CR1L: variants seen among roughly 807,000 people sequenced by gnomAD.
CR1L encodes complement C3b/C4b receptor 1 like.
A neutral mutation model predicts 62.3 loss-of-function variants in CR1L; 59 were observed. The ratio of observed to expected loss-of-function variants is 0.95; its 90% CI spans 0.77 to 1.18. CR1L has a LOEUF of 1.18. Ranked by LOEUF, CR1L falls within the 50% of genes most tolerant of loss-of-function variation. The probability of loss-of-function intolerance (pLI) is 0.00; values close to 1 mark genes in which losing one functional copy is unlikely to be tolerated. For synonymous variants in CR1L, 279 were observed against 248.7 expected, an observed-to-expected ratio of 1.12 and a Z score of -1.15; for missense variants, 700 against 702.8, an observed-to-expected ratio of 1.00 and a Z score of 0.04.
intron 4 of CR1L, among the ~76,000 whole-genome samples, chr1:207,692,345 T>A (rs544144201): frequency 1.8e-4 from 28 of 152,338 alleles, no homozygotes; most frequent in African/African-American, 6.3e-4. Flanking sequence ...TTAGAATATG[T>A]TTAGCTTTCT....
At position 207,664,512 on chromosome 1, in the gene CR1L, G is replaced by A. The variant is rs192439555; in HGVS notation, c.98-12877G>A. Among the ~76,000 whole-genome samples the A allele has an allele frequency of 2.0e-5, 3 of 152,188 alleles. No individual in the cohort carries two copies. The East Asian group carries it at 5.8e-4, about 29-fold the overall frequency. On this transcript the variant is annotated intron_variant, in intron 1 of 11. Transcript: ENST00000508064. ...GGCAGGAAGAGATGGTTTTTTTAGT[G>A]GACTGATATATGAGCAAAACAAGAT...
Position 207,694,534 on chromosome 1 carries a change from C to T in CR1L, c.645C>T (p.Gly215=), listed in dbSNP as rs758723371. The T allele has an allele frequency of 1.6e-5, 26 of 1,612,960 alleles. No homozygotes were observed. The highest frequency in any genetic ancestry group is 1.8e-5 in the Non-Finnish European group (21 of 1,179,838). The stretch of plus-strand genomic sequence containing the variant: ...GCACCAGCAAAGATGATCAAGTGGG[C>T]ATCTGGAGTGGCCCAGCCCCTCAGT... ...IYCTSKDDQV[G]IWSGPAPQCI... is the part of the protein sequence containing the mutation. The change falls in exon 5 of 12, where the codon GGC becomes GGT. Residue 215 remains glycine, a synonymous_variant. Transcript: ENST00000508064.
intron 1 of CR1L, among the ~76,000 whole-genome samples, chr1:207,667,090 A>G (rs1216625587): frequency 1.3e-5 from 2 of 152,178 alleles, no homozygotes; most frequent in East Asian, 1.9e-4. Flanking sequence ...CCTGGCCTTC[A>G]CTAAACCCCA....
At chr1:207,689,830 G>C (rs1366534063) in intron 4 of CR1L, among the ~76,000 whole-genome samples, 1 of 151,878 alleles carries the variant, frequency 6.6e-6, no homozygotes, top group Non-Finnish European at 1.5e-5. Flanking sequence ...TATTGAATTA[G>C]TTTGGGTAAG....
intron 3 of CR1L, among the ~76,000 whole-genome samples, chr1:207,681,873 T>C (rs1211900768): frequency 6.6e-6 from 1 of 152,100 alleles, no homozygotes; most frequent in East Asian, 1.9e-4. Flanking sequence ...GGCAGTGCAA[T>C]TGAGAATGCT....
chr1:207,694,687 G>T lies in CR1L; in HGVS notation c.798G>T (p.Gly266=), dbSNP rs760181766. ...GTCAGCCTGGCTTTGGCATGAAAGGGCCCTCCCATGTGAAGTGCCAGGCCC... is the reference window on the plus strand; with the variant it reads ...GTCAGCCTGGCTTTGGCATGAAAGGTCCCTCCCATGTGAAGTGCCAGGCCC... ...FRCQPGFGMK[G]PSHVKCQALN... is the part of the protein sequence containing the mutation. Residue 266 remains glycine, a synonymous_variant, in exon 5 of 12, where the codon GGG becomes GGT. Transcript: ENST00000508064. The T allele has an allele frequency of 6.2e-7, 1 of 1,611,886 alleles. No homozygotes were observed. Among genetic ancestry groups the T allele is most frequent in the Non-Finnish European group, 8.5e-7 (1 of 1,179,720 alleles).
intron 1 of CR1L, among the ~76,000 whole-genome samples, chr1:207,655,490 T>TAA (rs771334546): frequency 1.3e-5 from 2 of 152,224 alleles, no homozygotes; most frequent in Non-Finnish European, 2.9e-5. Flanking sequence ...TTGTTTTTCC[T>TAA]AAGAGAGGGT....
chr1:207,674,853 G>A (rs1663664937), intron 1 of CR1L, among the ~76,000 whole-genome samples: 1 of 146,170 alleles, frequency 6.8e-6, no homozygotes, highest in South Asian at 2.1e-4. Context: ...TCACGGAACT[G>A]TTTTATTCGT....
At chr1:207,714,773 T>A (rs1653951235) in intron 10 of CR1L, among the ~76,000 whole-genome samples, 1 of 152,182 alleles carries the variant, frequency 6.6e-6, no homozygotes, top group South Asian at 2.1e-4. Flanking sequence ...CAAAGACTCC[T>A]CCCCTGACCC....
At chr1:207,709,748 A>T (rs1664323421) in intron 10 of CR1L, among the ~76,000 whole-genome samples, 1 of 150,612 alleles carries the variant, frequency 6.6e-6, no homozygotes, top group South Asian at 2.1e-4. Flanking sequence ...GCAGCAGGAG[A>T]ATCATTTGAG....
chr1:207,668,598 A>T (rs1415879033), intron 1 of CR1L, among the ~76,000 whole-genome samples: 1 of 151,026 alleles, frequency 6.6e-6, no homozygotes, highest in Non-Finnish European at 1.5e-5. Context: ...ATCCTTGAAT[A>T]CTTAACCCTC....
chr1:207,723,415 CTT>C (rs1654181319), intron 11 of CR1L, among the ~76,000 whole-genome samples: 1 of 132,828 alleles, frequency 7.5e-6, no homozygotes, highest in African/African-American at 3.0e-5. Context: ...CAGAGTGAGA[CTT>C]TGTCAAAAAA....
chr1:207,701,687 C>G (rs752439551), intron 9 of CR1L, 69 bp downstream of exon 9: 2 of 1,603,910 alleles, frequency 1.2e-6, no homozygotes, highest in Non-Finnish European at 1.7e-6. Context: ...AGCCACATCT[C>G]AGGAAGGAAA....
chr1:207,719,592 A>T (rs890675630), intron 11 of CR1L, among the ~76,000 whole-genome samples: 2 of 152,084 alleles, frequency 1.3e-5, no homozygotes, highest in Admixed American at 6.6e-5. Context: ...GTGGTAGTGC[A>T]TGCCTGTAGT....
At chr1:207,700,795 G>A (rs980117996) in intron 8 of CR1L, among the ~76,000 whole-genome samples, 3 of 152,208 alleles carry the variant, frequency 2.0e-5, no homozygotes, top group African/African-American at 7.2e-5. Context: ...GGATCCTGAT[G>A]AGTGGCTGAC....
chr1:207,694,329 T>C, intron 4 of CR1L, 24 bp from the exon 5 acceptor site: 2 of 1,613,102 alleles, frequency 1.2e-6, no homozygotes, highest in Non-Finnish European at 1.7e-6. Context: ...ATTATTTAAA[T>C]TGACTGTGCT....
intron 11 of CR1L, among the ~76,000 whole-genome samples, chr1:207,723,374 G>T (rs1387981923): frequency 1.3e-5 from 2 of 149,936 alleles, no homozygotes; most frequent in Non-Finnish European, 2.9e-5. Flanking sequence ...AGGTCGCAGT[G>T]AGGTTGCACC....
chr1:207,685,321 G>T (rs1663883900), intron 4 of CR1L, among the ~76,000 whole-genome samples: 1 of 152,182 alleles, frequency 6.6e-6, no homozygotes, highest in African/African-American at 2.4e-5. Context: ...CCATCCGTTG[G>T]TGCTGCTCTG....
intron 10 of CR1L, chr1:207,708,941 C>T (rs1205544072): frequency 1.1e-5 from 4 of 359,808 alleles, no homozygotes; most frequent in Non-Finnish European, 2.2e-5. Context: ...CTTCCAAGAT[C>T]AGATGAAATT....
Sources: gnomAD v4.1 joint callset for allele counts (sites outside exome capture counted in the v4.1 genomes callset) on GRCh38, gnomAD v4.1.1 for gene constraint, MANE v1.5 for transcripts, NCBI Gene and HGNC (gene_info 2026-07-23, HGNC 2026-07-21) for gene names.